Variants in SH3RF1 observed in about 807,000 individuals in gnomAD.
The protein encoded by SH3RF1 is E3 ubiquitin-protein ligase SH3RF1.
Under a neutral mutation model 74.0 loss-of-function variants are expected in SH3RF1, and 32 were observed. That is an observed-to-expected ratio of 0.43 (90% CI 0.33 to 0.58). The LOEUF (loss-of-function observed/expected upper bound fraction) is 0.58. Among genes scored for constraint, SH3RF1 ranks in the 20% least tolerant of loss-of-function variants. The probability of loss-of-function intolerance (pLI) is 0.05; values close to 1 mark genes in which losing one functional copy is unlikely to be tolerated. For missense variants in SH3RF1, 954 were observed against 1,130.9 expected (o/e 0.84, Z 2.24); for synonymous variants, 396 against 439.6 (o/e 0.90, Z 1.24).
At chr4:169,242,201 G>A (rs1297469734) in intron 2 of SH3RF1, among the ~76,000 whole-genome samples, 2 of 151,798 alleles carry the variant, frequency 1.3e-5, no homozygotes, top group East Asian at 1.9e-4. Flanking sequence ...GAAATACTCT[G>A]CCTAAACCCA....
At chr4:169,178,637 A>C (rs1734460589) in intron 2 of SH3RF1, among the ~76,000 whole-genome samples, 1 of 152,150 alleles carries the variant, frequency 6.6e-6, no homozygotes. Flanking sequence ...AGGTTAGATG[A>C]GGTATAAACT....
chr4:169,242,111 C>A (rs972181858), intron 2 of SH3RF1, among the ~76,000 whole-genome samples: 1 of 151,950 alleles, frequency 6.6e-6, no homozygotes, highest in South Asian at 2.1e-4. Context: ...AAATATTTTT[C>A]TATTTCAATT....
At chr4:169,110,039 AAC>A (rs1491250099) in intron 10 of SH3RF1, among the ~76,000 whole-genome samples, 4 of 143,152 alleles carry the variant, frequency 2.8e-5, no homozygotes, top group African/African-American at 5.2e-5. Context: ...AAAAAAAAAA[AAC>A]CACCTGGGAG....
chr4:169,138,148 C>A (rs1733729609), intron 4 of SH3RF1, among the ~76,000 whole-genome samples: 1 of 152,154 alleles, frequency 6.6e-6, no homozygotes, highest in Non-Finnish European at 1.5e-5. Flanking sequence ...GCCAGGAGAT[C>A]CAGAATTTAC....
intron 4 of SH3RF1, among the ~76,000 whole-genome samples, chr4:169,140,090 T>C (rs865891835): frequency 6.6e-6 from 1 of 152,204 alleles, no homozygotes; most frequent in Admixed American, 6.5e-5. Flanking sequence ...AAGCAGCACA[T>C]ATTAGTATTA....
chr4:169,229,471 C>T (rs181780402), intron 2 of SH3RF1, among the ~76,000 whole-genome samples: 1 of 151,294 alleles, frequency 6.6e-6, no homozygotes, highest in African/African-American at 2.4e-5. Flanking sequence ...ACCACCCCCC[C>T]ACCCAAAAAA....
chr4:169,254,802 C>G (rs1731160272), intron 2 of SH3RF1, among the ~76,000 whole-genome samples: 1 of 152,170 alleles, frequency 6.6e-6, no homozygotes, highest in Non-Finnish European at 1.5e-5. Context: ...AACCCAAGCA[C>G]AGCAAGCAGG....
Position 169,094,378 on chromosome 4 carries a change from G to T in SH3RF1, c.*2141C>A, listed in dbSNP as rs1415217627. 1 of 151,834 alleles carries T rather than the reference G, an allele frequency of 6.6e-6. No homozygotes were observed. The highest frequency in any genetic ancestry group is 1.5e-5 in the Non-Finnish European group (1 of 67,950). 9.4% of individuals were successfully genotyped at this position (151,834 alleles called of 1,614,324 possible). ...CCATATCACTGTGTAACAAGCCCTT[G>T]TTACAAAATCTCCCTCTACTGTCTG... On this transcript the variant is annotated 3_prime_UTR_variant, in exon 12 of 12. Transcript: ENST00000284637.
chr4:169,247,815 A>T (rs1731028768), intron 2 of SH3RF1, among the ~76,000 whole-genome samples: 1 of 152,230 alleles, frequency 6.6e-6, no homozygotes, highest in South Asian at 2.1e-4. Flanking sequence ...AAACGACCCC[A>T]TCAAAAAGTG....
intron 2 of SH3RF1, among the ~76,000 whole-genome samples, chr4:169,230,193 T>A (rs1236146998): frequency 1.3e-5 from 2 of 152,120 alleles, no homozygotes; most frequent in Non-Finnish European, 2.9e-5. Flanking sequence ...AATGAGACTC[T>A]GTCTCAAAAA....
At position 169,096,231 on chromosome 4, in the gene SH3RF1, T is replaced by C. The variant is rs947594117; in HGVS notation, c.*288A>G. The C allele has an allele frequency of 1.0e-5, 3 of 298,214 alleles. No homozygotes were observed. The highest frequency in any genetic ancestry group is 5.0e-5 in the Admixed American group (1 of 20,104). The allele number at this position is 298,214 out of a possible 1,614,324, so 18.5% of individuals were successfully genotyped here. ...TAAATTAGTTAAGCCTTGTAAACAA[T>C]TGTCCATTTTAGTCATATATCTTAA... On this transcript the variant is annotated 3_prime_UTR_variant, in exon 12 of 12. Transcript: ENST00000284637.
Position 169,171,901 on chromosome 4 carries a change from T to C in SH3RF1, c.394-15222A>G, listed in dbSNP as rs149857912. Among the ~76,000 whole-genome samples, 9 of 152,292 alleles carry C rather than the reference T, an allele frequency of 5.9e-5. 1 individual carries two copies. In the East Asian group the frequency reaches 1.7e-3, roughly 29 times the overall value. On this transcript the variant is annotated intron_variant, in intron 2 of 11. Coordinates refer to ENST00000284637, the MANE Select transcript of SH3RF1 (RefSeq NM_020870.4). ...AGGTGGGGCAGGGTCTGGTGAAAGG[T>C]TATATCTGCTTCTTCTCCATCCGCA... is the stretch of plus-strand genomic sequence containing the variant.
chr4:169,192,609 C>T (rs1212433917), intron 2 of SH3RF1, among the ~76,000 whole-genome samples: 1 of 151,942 alleles, frequency 6.6e-6, no homozygotes, highest in African/African-American at 2.4e-5. Context: ...GTAGAATTAC[C>T]ATTTGATCCA....
In SH3RF1 at chr4:169,221,677, A is replaced by G. The variant is rs537767531; in HGVS notation, c.393+47143T>C. ...TTGTAATCTATAAAATAAAGGCAAC[A>G]TATTTTATGTCTGATAATAAAAAAA... On this transcript the variant is annotated intron_variant, in intron 2 of 11. Coordinates refer to ENST00000284637, the MANE Select transcript of SH3RF1 (RefSeq NM_020870.4). 9.2e-5 allele frequency among the ~76,000 whole-genome samples: 14 copies of G among 152,354 alleles called. No individual in the cohort carries two copies. In the East Asian group the frequency reaches 9.6e-4, roughly 10 times the overall value.
At chr4:169,259,360 T>A (rs1731238969) in intron 2 of SH3RF1, among the ~76,000 whole-genome samples, 1 of 152,160 alleles carries the variant, frequency 6.6e-6, no homozygotes. Context: ...TTAACTGCTC[T>A]GTCAGCCATC....
At chr4:169,113,451 T>C (rs1733276572) in intron 10 of SH3RF1, among the ~76,000 whole-genome samples, 1 of 152,100 alleles carries the variant, frequency 6.6e-6, no homozygotes, top group Non-Finnish European at 1.5e-5. Flanking sequence ...TTGCAGACCA[T>C]CTGGGAAATT....
chr4:169,182,298 G>A (rs988291200), intron 2 of SH3RF1, among the ~76,000 whole-genome samples: 5 of 152,130 alleles, frequency 3.3e-5, no homozygotes, highest in Admixed American at 2.6e-4. Context: ...ATGCGAATCA[G>A]GTAAAATACA....
At chr4:169,107,433 C>T (rs1733164852) in intron 10 of SH3RF1, among the ~76,000 whole-genome samples, 1 of 152,090 alleles carries the variant, frequency 6.6e-6, no homozygotes, top group Non-Finnish European at 1.5e-5. Flanking sequence ...TTGTGTGGTG[C>T]TAACCTGACC....
chr4:169,141,913 C>T (rs1733793801), intron 4 of SH3RF1, among the ~76,000 whole-genome samples: 1 of 151,174 alleles, frequency 6.6e-6, no homozygotes, highest in Admixed American at 6.6e-5. Flanking sequence ...CCCAGGTTCA[C>T]GTCATTCTCC....
Sources: allele counts gnomAD v4.1 joint callset (sites outside exome capture counted in the v4.1 genomes callset), GRCh38; gene constraint gnomAD v4.1.1; transcripts MANE v1.5; gene names NCBI Gene and HGNC (gene_info 2026-07-23, HGNC 2026-07-21).